WDR59: variants seen among roughly 807,000 people sequenced by gnomAD.
The protein encoded by WDR59 is WD repeat domain 59, also known as GATOR2 complex protein WDR59.
A neutral mutation model predicts 131.2 loss-of-function variants in WDR59; 100 were observed. The ratio of observed to expected loss-of-function variants is 0.76; its 90% CI spans 0.65 to 0.90. The LOEUF (loss-of-function observed/expected upper bound fraction) is 0.90, where lower values mean the gene tolerates loss of function less well. Among genes scored for constraint, WDR59 ranks in the 40% least tolerant of loss-of-function variants. The pLI, the probability that WDR59 is intolerant of heterozygous loss-of-function variation, is 0.00. For missense variants in WDR59, 1,203 were observed against 1,262.2 expected (o/e 0.95, Z 0.71); for synonymous variants, 601 against 466.2 (o/e 1.29, Z -3.72).
chr16:74,968,619 G>T (rs2033866192), intron 1 of WDR59, among the ~76,000 whole-genome samples: 1 of 152,098 alleles, frequency 6.6e-6, no homozygotes, highest in African/African-American at 2.4e-5. Flanking sequence ...TGCTCAGGAG[G>T]CTGAGGTAGG....
chr16:74,978,690 T>C (rs1430486523), intron 1 of WDR59, among the ~76,000 whole-genome samples: 1 of 152,030 alleles, frequency 6.6e-6, no homozygotes, highest in African/African-American at 2.4e-5. Flanking sequence ...AGTGGTTACA[T>C]GACTACATCC....
intron 6 of WDR59, among the ~76,000 whole-genome samples, chr16:74,943,931 T>C (rs2032418586): frequency 6.6e-6 from 1 of 152,182 alleles, no homozygotes; most frequent in African/African-American, 2.4e-5. Flanking sequence ...TCTTATGTCA[T>C]CTAGAACAAA....
At chr16:74,902,833 G>C (rs1197765462) in intron 18 of WDR59, among the ~76,000 whole-genome samples, 1 of 152,068 alleles carries the variant, frequency 6.6e-6, no homozygotes, top group African/African-American at 2.4e-5. Context: ...ATATAGATTA[G>C]TGGGTGTTCC....
chr16:74,885,929 C>T, intron 24 of WDR59, 134 bp from the exon 25 acceptor site: 1 of 1,119,400 alleles, frequency 8.9e-7, no homozygotes, highest in Non-Finnish European at 1.2e-6. Flanking sequence ...TCACTCCCAG[C>T]ACTTTGGGAG....
At chr16:74,966,130 T>A (rs559790422) in intron 1 of WDR59, among the ~76,000 whole-genome samples, 1 of 152,228 alleles carries the variant, frequency 6.6e-6, no homozygotes, top group South Asian at 2.1e-4. Context: ...AATAGGGCAG[T>A]TGCTACCTGT....
At chr16:74,956,369 A>C (rs2033289144) in intron 3 of WDR59, 106 bp downstream of exon 3, 6 of 1,398,750 alleles carry the variant, frequency 4.3e-6, no homozygotes, top group Non-Finnish European at 4.7e-6. Flanking sequence ...CCTCTTTTCC[A>C]AATGAGCAAT....
At chr16:74,977,794 T>C (rs2034247556) in intron 1 of WDR59, among the ~76,000 whole-genome samples, 1 of 152,176 alleles carries the variant, frequency 6.6e-6, no homozygotes, top group Non-Finnish European at 1.5e-5. Context: ...TAAATGTCCA[T>C]AAACAGGTGA....
intron 22 of WDR59, 43 bp downstream of exon 22, chr16:74,888,117 CAAAAAAAAA>C (rs35324656): frequency 1.3e-5 from 16 of 1,235,502 alleles, no homozygotes; most frequent in African/African-American, 2.0e-5. Context: ...AACTCCGTCT[CAAAAAAAAA>C]AAAAAAAAAA....
intron 4 of WDR59, among the ~76,000 whole-genome samples, chr16:74,950,396 C>T (rs994709819): frequency 6.6e-6 from 1 of 152,218 alleles, no homozygotes; most frequent in African/African-American, 2.4e-5. Context: ...AGGAAAAACA[C>T]ATAAAGTAAT....
chr16:74,979,300 T>TA (rs1168462389), intron 1 of WDR59, among the ~76,000 whole-genome samples: 1 of 151,100 alleles, frequency 6.6e-6, no homozygotes, highest in African/African-American at 2.4e-5. Context: ...CCATCTCTAC[T>TA]AAAAAATACA....
At chr16:74,891,102 G>A (rs759258880) in intron 20 of WDR59, among the ~76,000 whole-genome samples, 38 of 135,590 alleles carry the variant, frequency 2.8e-4, no homozygotes, top group Non-Finnish European at 6.1e-5. Context: ...GACAGAGCGA[G>A]ACTCTGTCTC....
intron 20 of WDR59, 58 bp downstream of exon 20, chr16:74,892,425 TA>T: frequency 1.4e-6 from 2 of 1,401,474 alleles, no homozygotes; most frequent in Non-Finnish European, 1.0e-6. Flanking sequence ...AATGACAAAG[TA>T]AAAACAATTT....
At chr16:74,902,414 T>C (rs1168561576) in intron 18 of WDR59, among the ~76,000 whole-genome samples, 1 of 144,432 alleles carries the variant, frequency 6.9e-6, no homozygotes, top group African/African-American at 2.7e-5. Context: ...TCTTGGTTCC[T>C]CTTTATAATT....
chr16:74,903,848 C>T (rs758098184), intron 18 of WDR59, 99 bp downstream of exon 18: 32 of 1,390,870 alleles, frequency 2.3e-5, no homozygotes, highest in Non-Finnish European at 3.0e-5. Context: ...TGAAAGGCTA[C>T]AGGGTGATTA....
intron 24 of WDR59, 199 bp downstream of exon 24, chr16:74,886,071 A>G (rs1478131576): frequency 2.8e-6 from 2 of 718,200 alleles, no homozygotes; most frequent in Non-Finnish European, 4.4e-6. Flanking sequence ...CCAGCTACTC[A>G]GGAGGCTGAG....
At chr16:74,978,270 C>A (rs554876100) in intron 1 of WDR59, among the ~76,000 whole-genome samples, 1 of 142,366 alleles carries the variant, frequency 7.0e-6, no homozygotes, top group Non-Finnish European at 1.5e-5. Context: ...TACGGTGAGC[C>A]GAGATCGTGC....
At chr16:74,964,326 C>G (rs1464193966) in intron 2 of WDR59, among the ~76,000 whole-genome samples, 3 of 150,106 alleles carry the variant, frequency 2.0e-5, no homozygotes, top group Non-Finnish European at 4.4e-5. Flanking sequence ...TTGCAGTGAG[C>G]CGAGATCGTG....
chr16:74,946,508 G>C (rs774525089), intron 6 of WDR59, among the ~76,000 whole-genome samples: 3 of 152,100 alleles, frequency 2.0e-5, no homozygotes, highest in Non-Finnish European at 4.4e-5. Context: ...GATCACTTGA[G>C]GTCAGGAGCT....
chr16:74,965,151 T>G (rs2033719147), intron 2 of WDR59, among the ~76,000 whole-genome samples: 1 of 152,204 alleles, frequency 6.6e-6, no homozygotes, highest in African/African-American at 2.4e-5. Context: ...GTGGTCCTCC[T>G]GCCTCAGCTT....
Sources: allele counts gnomAD v4.1 joint callset (sites outside exome capture counted in the v4.1 genomes callset), GRCh38; gene constraint gnomAD v4.1.1; transcripts MANE v1.5; gene names NCBI Gene and HGNC (gene_info 2026-07-23, HGNC 2026-07-21).